The following KDM4B variants were observed in gnomAD, a reference collection of about 807,000 sequenced individuals.
KDM4B encodes the protein lysine demethylase 4B.
A neutral mutation model predicts 125.2 loss-of-function variants in KDM4B; 32 were observed. The ratio of observed to expected loss-of-function variants is 0.26; its 90% CI spans 0.19 to 0.34. KDM4B has a LOEUF of 0.34. Among genes scored for constraint, KDM4B ranks in the 10% least tolerant of loss-of-function variants. The pLI, the probability that KDM4B is intolerant of heterozygous loss-of-function variation, is 1.00. For synonymous variants in KDM4B, 721 were observed against 677.9 expected (o/e 1.06, Z -0.99); for missense variants, 1,190 against 1,577.7 (o/e 0.75, Z 4.16).
chr19:5,090,419 CCTCT>C (rs1568291586), intron 9 of KDM4B, among the ~76,000 whole-genome samples: 21 of 81,046 alleles, frequency 2.6e-4, no homozygotes, highest in African/African-American at 8.8e-4. Flanking sequence ...CCCCTCTCCC[CCTCT>C]GTCTCTCTCT....
At chr19:5,109,228 C>T (rs1286430699) in intron 9 of KDM4B, among the ~76,000 whole-genome samples, 1 of 152,160 alleles carries the variant, frequency 6.6e-6, no homozygotes, top group African/African-American at 2.4e-5. Context: ...TTTTCCAGCC[C>T]CATCTCAGCC....
At chr19:5,071,580 G>A (rs1281014112) in intron 7 of KDM4B, among the ~76,000 whole-genome samples, 1 of 152,332 alleles carries the variant, frequency 6.6e-6, no homozygotes, top group Middle Eastern at 3.4e-3. Flanking sequence ...CCACCAGCTC[G>A]CGTTCATGTG....
chr19:5,054,016 A>G (rs734925), intron 6 of KDM4B, among the ~76,000 whole-genome samples: 32,118 of 152,264 alleles, frequency 0.21, 4,503 homozygotes, highest in East Asian at 0.65. Flanking sequence ...GACTGTGGCC[A>G]CAGCATCAGT....
intron 9 of KDM4B, among the ~76,000 whole-genome samples, chr19:5,086,550 C>T (rs2038504767): frequency 6.6e-6 from 1 of 152,200 alleles, no homozygotes; most frequent in Non-Finnish European, 1.5e-5. Context: ...TCCGAAAAGC[C>T]AAGAGGCGTG....
chr19:5,012,890 C>T (rs1383624187), intron 1 of KDM4B, among the ~76,000 whole-genome samples: 3 of 152,214 alleles, frequency 2.0e-5, no homozygotes, highest in African/African-American at 7.2e-5. Flanking sequence ...ACCGCATAGC[C>T]CATGCGTAAG....
intron 10 of KDM4B, chr19:5,111,807 C>T (rs748126320): frequency 1.7e-5 from 13 of 765,084 alleles, no homozygotes; most frequent in South Asian, 5.4e-5. Flanking sequence ...GTCTCGACTC[C>T]GCATGGCAAC....
chr19:5,144,206 C>T (rs764019743), intron 19 of KDM4B, 42 bp from the exon 20 acceptor site: 9 of 1,584,972 alleles, frequency 5.7e-6, no homozygotes, highest in South Asian at 3.4e-5. Flanking sequence ...CCCCCACCGA[C>T]ACCCGCGCTG....
In KDM4B at chr19:5,144,220, GCCCCCCACA is replaced by G. The variant is rs765696997; in HGVS notation, c.2737-24_2737-16del. ...GCCCCCACCGACACCCGCGCTGACC[GCCCCCCACA>G]CCCTCCGCACCCTCCCAGGTCCAAC... is the stretch of plus-strand genomic sequence containing the variant. On this transcript the variant is annotated intron_variant, in intron 19 of 22. Coordinates refer to ENST00000159111, the MANE Select transcript of KDM4B (RefSeq NM_015015.3). 3 of 1,417,394 alleles carry G rather than the reference GCCCCCCACA, an allele frequency of 2.1e-6. No individual in the cohort carries two copies. The highest frequency in any genetic ancestry group is 2.9e-6 in the Non-Finnish European group (3 of 1,040,456). 87.8% of individuals were successfully genotyped at this position (1,417,394 alleles called of 1,614,324 possible).
intron 21 of KDM4B, among the ~76,000 whole-genome samples, chr19:5,149,607 G>A (rs1213116462): frequency 1.3e-5 from 2 of 152,224 alleles, no homozygotes; most frequent in Non-Finnish European, 2.9e-5. Flanking sequence ...TCGCAGTTAT[G>A]AGGTGGGCCT....
chr19:5,023,604 G>A (rs927124498), intron 2 of KDM4B, among the ~76,000 whole-genome samples: 1 of 152,142 alleles, frequency 6.6e-6, no homozygotes, highest in Admixed American at 6.5e-5. Flanking sequence ...CACTGGGGCC[G>A]CATGGGGCTT....
At position 5,018,535 on chromosome 19, in the gene KDM4B, T is replaced by C. The variant is rs1266138302; in HGVS notation, c.-26+2196T>C. 4.6e-5 allele frequency among the ~76,000 whole-genome samples: 7 copies of C among 152,320 alleles called. No individual in the cohort carries two copies. In the East Asian group the frequency reaches 7.7e-4, roughly 17 times the overall value. ...TGCTGTGGTTTGGCAGGTCCCCAGA[T>C]AGGCTGCCTTCACTTTGTAAAAGTT... On this transcript the variant is annotated intron_variant, in intron 2 of 22. Transcript: ENST00000159111.
chr19:5,041,335 G>A (rs1190533540), intron 5 of KDM4B, 84 bp downstream of exon 5: 4 of 1,022,734 alleles, frequency 3.9e-6, no homozygotes, highest in Admixed American at 1.9e-5. Context: ...CTCTGCCTTG[G>A]CAGATGAAGC....
Position 5,081,202 on chromosome 19 carries a change from A to G in KDM4B, c.781-1165A>G, listed in dbSNP as rs901750299. On this transcript the variant is annotated intron_variant, in intron 8 of 22. Transcript: ENST00000159111. The surrounding 1 kb of genome is among the most constrained non-coding windows in gnomAD (Gnocchi z 4.2). The stretch of plus-strand genomic sequence containing the variant: ...CACTTGACTTCAAGGATTCTAGTTC[A>G]TGAGCCTCAGTTTCCACGTCTGTGG... Among the ~76,000 whole-genome samples the G allele has an allele frequency of 2.6e-5, 4 of 152,246 alleles. No homozygotes were observed. Among genetic ancestry groups the G allele is most frequent in the African/African-American group, 9.6e-5 (4 of 41,460 alleles).
intron 1 of KDM4B, among the ~76,000 whole-genome samples, chr19:4,973,991 G>A (rs1012545084): frequency 5.9e-5 from 9 of 151,984 alleles, no homozygotes; most frequent in African/African-American, 9.7e-5. Flanking sequence ...TTAACTGGGC[G>A]TGGCGGTGCA....
intron 6 of KDM4B, among the ~76,000 whole-genome samples, chr19:5,054,733 G>A (rs1200675987): frequency 2.0e-5 from 3 of 152,154 alleles, no homozygotes; most frequent in Admixed American, 6.5e-5. Flanking sequence ...GTGTGGCGCT[G>A]GTGCCGTGCT....
rs184100682 is a variant in KDM4B, at chr19:5,053,419, C to T, written c.626+5750C>T. 3.9e-4 allele frequency among the ~76,000 whole-genome samples: 60 copies of T among 152,320 alleles called. 1 individual carries two copies. In the South Asian group the frequency reaches 5.8e-3, roughly 15 times the overall value. On this transcript the variant is annotated intron_variant, in intron 6 of 22. Transcript: ENST00000159111. ...ATGACAGAAATAGAAAAGGAAGAAG[C>T]GGTTTAGAACAGAGAGCTCCCACGG...
chr19:5,000,434 C>T lies in KDM4B; in HGVS notation c.-108-15823C>T, dbSNP rs1325435199. On this transcript the variant is annotated intron_variant, in intron 1 of 22. Coordinates refer to ENST00000159111, the MANE Select transcript of KDM4B (RefSeq NM_015015.3). ...CCATCCATCCGTACATCCATTTATT[C>T]ATCCATCCATCCATCCATCCATCCC... Among the ~76,000 whole-genome samples, 5 of 148,454 alleles carry T rather than the reference C, an allele frequency of 3.4e-5. 1 individual carries two copies. Among genetic ancestry groups the T allele is most frequent in the African/African-American group, 5.2e-5 (2 of 38,674 alleles).
chr19:5,025,285 G>A (rs1419497058), intron 2 of KDM4B, among the ~76,000 whole-genome samples: 1 of 152,218 alleles, frequency 6.6e-6, no homozygotes, highest in African/African-American at 2.4e-5. Flanking sequence ...GTTTGCCCTG[G>A]TCTCCCAGCT....
chr19:5,119,995 T>G (rs1692510116), intron 11 of KDM4B, 143 bp downstream of exon 11: 5 of 1,089,538 alleles, frequency 4.6e-6, no homozygotes, highest in Middle Eastern at 3.1e-4. Context: ...GGTGGGGCAT[T>G]TCGTGAAAAT....
Sources: gnomAD v4.1 joint callset for allele counts (sites outside exome capture counted in the v4.1 genomes callset) on GRCh38, gnomAD v4.1.1 for gene constraint, Gnocchi (gnomAD v3.1) non-coding constraint, MANE v1.5 for transcripts, NCBI Gene and HGNC (gene_info 2026-07-23, HGNC 2026-07-21) for gene names.